Variants in FGF12 observed in about 807,000 individuals in gnomAD.
FGF12 encodes the protein fibroblast growth factor 12B.
A neutral mutation model predicts 23.6 loss-of-function variants in FGF12; 14 were observed. The observed-to-expected ratio is 0.59, with a 90% CI of 0.39 to 0.93. The LOEUF is 0.93. FGF12 is among the 40% of genes least tolerant of loss of function. FGF12 has a pLI of 0.00. For synonymous variants in FGF12, 62 were observed against 77.3 expected, an observed-to-expected ratio of 0.80 and a Z score of 1.04; for missense variants, 175 against 217.8, an observed-to-expected ratio of 0.80 and a Z score of 1.24.
intron 2 of FGF12, among the ~76,000 whole-genome samples, chr3:192,643,510 T>C (rs1441671117): frequency 6.7e-6 from 1 of 149,680 alleles, no homozygotes; most frequent in South Asian, 2.1e-4. Flanking sequence ...ATACTTTCTG[T>C]CCCTCATTCT....
At chr3:192,424,408 G>T (rs2108786093) in intron 2 of FGF12, among the ~76,000 whole-genome samples, 1 of 152,278 alleles carries the variant, frequency 6.6e-6, no homozygotes, top group East Asian at 1.9e-4. Context: ...TGAAAGGCAG[G>T]ATGCAAACTT....
chr3:192,452,829 C>A (rs956719378), intron 2 of FGF12, among the ~76,000 whole-genome samples: 2 of 152,198 alleles, frequency 1.3e-5, no homozygotes, highest in African/African-American at 4.8e-5. Context: ...TCAGTCTTTT[C>A]TCTCTAGCTG....
intron 2 of FGF12, among the ~76,000 whole-genome samples, chr3:192,619,271 G>A (rs955697047): frequency 6.6e-6 from 1 of 152,068 alleles, no homozygotes; most frequent in Admixed American, 6.6e-5. Flanking sequence ...TACAGAACAG[G>A]TGATGTTTGA....
chr3:192,371,280 C>T (rs1035260133), intron 2 of FGF12, among the ~76,000 whole-genome samples: 6 of 152,316 alleles, frequency 3.9e-5, no homozygotes, highest in African/African-American at 1.4e-4. Flanking sequence ...AGGGGAAAGT[C>T]GCGTGGCAGC....
rs201478014 is a variant in FGF12 at position 192,170,661 on chromosome 3, A to AG, written c.229-6dup. 1 of 1,514,250 alleles carries AG rather than the reference A, an allele frequency of 6.6e-7. No individual in the cohort carries two copies. Among genetic ancestry groups the AG allele is most frequent in the Non-Finnish European group, 8.8e-7 (1 of 1,141,576 alleles). The allele number at this position is 1,514,250 out of a possible 1,614,324, so 93.8% of individuals were successfully genotyped here. On this transcript the variant is annotated splice_region_variant and splice_polypyrimidine_tract_variant and intron_variant, in intron 4 of 5. Transcript: ENST00000445105. ...GCATTCTGGAGTGAAAACATCCTGTAGGAAAAAAAAAAAAAGACACAAAAA... is the reference window on the plus strand; with the variant it reads ...GCATTCTGGAGTGAAAACATCCTGTAGGGAAAAAAAAAAAAAGACACAAAAA...
In FGF12 at chr3:192,509,900, G is replaced by A. The variant is rs550089255; in HGVS notation, c.14-149362C>T. 1.1e-4 allele frequency among the ~76,000 whole-genome samples: 17 copies of A among 152,180 alleles called. No individual in the cohort carries two copies. The South Asian group carries it at 1.7e-3, about 15-fold the overall frequency. ...TAAATCTTATTATTTAAGCTGCACC[G>A]CCTTATTATATCAACAAAGGCAAGT... On this transcript the variant is annotated intron_variant, in intron 2 of 5. Coordinates refer to ENST00000445105, the MANE Select transcript of FGF12 (RefSeq NM_004113.6).
intron 4 of FGF12, among the ~76,000 whole-genome samples, chr3:192,314,769 G>A (rs974878659): frequency 3.9e-5 from 6 of 152,158 alleles, no homozygotes; most frequent in Admixed American, 2.0e-4. Context: ...AATAAAATCA[G>A]AAGAGGAAAC....
intron 2 of FGF12, among the ~76,000 whole-genome samples, chr3:192,493,002 G>A (rs1364647566): frequency 6.9e-6 from 1 of 144,916 alleles, no homozygotes; most frequent in Non-Finnish European, 1.5e-5. Flanking sequence ...TCACCATGTT[G>A]GCCAGGCTCA....
intron 2 of FGF12, among the ~76,000 whole-genome samples, chr3:192,545,829 GAGGA>G (rs1560146000): frequency 6.6e-6 from 1 of 152,162 alleles, no homozygotes; most frequent in Non-Finnish European, 1.5e-5. Flanking sequence ...TTTACTTTCA[GAGGA>G]CATTTGAGCT....
At chr3:192,391,176 T>A (rs1720279202) in intron 2 of FGF12, among the ~76,000 whole-genome samples, 1 of 152,184 alleles carries the variant, frequency 6.6e-6, no homozygotes, top group African/African-American at 2.4e-5. Flanking sequence ...TATCTCTTCA[T>A]TATGATAGTT....
At chr3:192,609,100 G>A (rs765856777) in intron 2 of FGF12, among the ~76,000 whole-genome samples, 16 of 152,022 alleles carry the variant, frequency 1.1e-4, no homozygotes, top group Non-Finnish European at 7.4e-5. Flanking sequence ...TCTTAATGAC[G>A]GGGGTTCAAC....
chr3:192,701,993 T>A (rs1475454381), intron 2 of FGF12, among the ~76,000 whole-genome samples: 2 of 152,134 alleles, frequency 1.3e-5, no homozygotes, highest in African/African-American at 4.8e-5. Context: ...TAACTGAAAC[T>A]TTTTACCCTC....
chr3:192,197,482 TAGATTA>T (rs1231126445), intron 4 of FGF12, among the ~76,000 whole-genome samples: 1 of 152,230 alleles, frequency 6.6e-6, no homozygotes, highest in East Asian at 1.9e-4. Context: ...TAAAATGATC[TAGATTA>T]AGTACCATAA....
At chr3:192,471,998 C>T (rs1471279453) in intron 2 of FGF12, among the ~76,000 whole-genome samples, 2 of 152,080 alleles carry the variant, frequency 1.3e-5, no homozygotes, top group African/African-American at 2.4e-5. Context: ...GATTGTATTT[C>T]ACTTTATTAA....
chr3:192,681,869 C>G (rs1349833804), intron 2 of FGF12, among the ~76,000 whole-genome samples: 2 of 152,122 alleles, frequency 1.3e-5, no homozygotes, highest in South Asian at 4.2e-4. Context: ...TGCTGAGGGT[C>G]ACCATAGAAT....
intron 2 of FGF12, among the ~76,000 whole-genome samples, chr3:192,404,324 A>C (rs1410989086): frequency 2.0e-5 from 3 of 152,204 alleles, no homozygotes; most frequent in Admixed American, 6.5e-5. Flanking sequence ...GATGACCTCC[A>C]AGGTTCGTGG....
At chr3:192,169,245 G>A (rs1359140000) in intron 5 of FGF12, among the ~76,000 whole-genome samples, 1 of 152,140 alleles carries the variant, frequency 6.6e-6, no homozygotes, top group African/African-American at 2.4e-5. Flanking sequence ...GGAGGCTGAA[G>A]AAGGAGAATC....
At chr3:192,337,004 T>C (rs1297157310) in intron 3 of FGF12, among the ~76,000 whole-genome samples, 1 of 152,168 alleles carries the variant, frequency 6.6e-6, no homozygotes, top group Admixed American at 6.5e-5. Flanking sequence ...TAGTTTCTTA[T>C]AGATTAATTG....
chr3:192,645,783 A>T lies in FGF12; in HGVS notation c.13+81398T>A, dbSNP rs1715984111. On this transcript the variant is annotated intron_variant, in intron 2 of 5. Coordinates refer to ENST00000445105, the MANE Select transcript of FGF12 (RefSeq NM_004113.6). ...CAAAACAGGTAAAAAAAAAAAAAAA[A>T]AAAAAAAAAAAAGTCTAGCTTTCTT... Among the ~76,000 whole-genome samples the T allele has an allele frequency of 2.0e-5, 3 of 151,098 alleles. No homozygotes were observed. The South Asian group carries it at 6.2e-4, about 31-fold the overall frequency.
Sources: allele counts gnomAD v4.1 joint callset (sites outside exome capture counted in the v4.1 genomes callset), GRCh38; gene constraint gnomAD v4.1.1; transcripts MANE v1.5; gene names NCBI Gene and HGNC (gene_info 2026-07-23, HGNC 2026-07-21).